ZHX2: variants seen among roughly 807,000 people sequenced by gnomAD.
The protein encoded by ZHX2 is zinc fingers and homeoboxes 2.
A neutral mutation model predicts 21.9 loss-of-function variants in ZHX2; 6 were observed. The ratio of observed to expected loss-of-function variants is 0.27; its 90% confidence interval spans 0.15 to 0.54. ZHX2 has a LOEUF of 0.54. Among genes scored for constraint, ZHX2 ranks in the 20% least tolerant of loss-of-function variants. The pLI is 0.95. For synonymous variants in ZHX2, 434 were observed against 437.1 expected (o/e 0.99, Z 0.09); for missense variants, 908 against 1,090.7 (o/e 0.83, Z 2.36).
At chr8:122,901,730 T>C (rs953770578) in intron 2 of ZHX2, among the ~76,000 whole-genome samples, 6 of 152,160 alleles carry the variant, frequency 3.9e-5, no homozygotes, top group Non-Finnish European at 7.3e-5. Context: ...ATCCTTGCAT[T>C]GTACAATGTT....
At chr8:122,964,391 A>G (rs1218419069) in intron 3 of ZHX2, among the ~76,000 whole-genome samples, 3 of 151,966 alleles carry the variant, frequency 2.0e-5, no homozygotes, top group Non-Finnish European at 2.9e-5. Context: ...TTCTGCATCT[A>G]TTGAGATGAT....
At chr8:122,932,262 G>A (rs947264114) in intron 2 of ZHX2, among the ~76,000 whole-genome samples, 5 of 152,034 alleles carry the variant, frequency 3.3e-5, no homozygotes, top group African/African-American at 1.2e-4. Flanking sequence ...TCCAATGGCT[G>A]CTGTTAGAAA....
intron 2 of ZHX2, among the ~76,000 whole-genome samples, chr8:122,942,083 C>T (rs1197578024): frequency 1.3e-5 from 2 of 152,202 alleles, no homozygotes; most frequent in African/African-American, 4.8e-5. Flanking sequence ...AGGATGGAAA[C>T]AGATGAGAAG....
At chr8:122,892,743 G>T (rs111254282) in intron 2 of ZHX2, among the ~76,000 whole-genome samples, 1 of 152,142 alleles carries the variant, frequency 6.6e-6, no homozygotes, top group Non-Finnish European at 1.5e-5. Flanking sequence ...GGAGTGCAAA[G>T]GCACAATCTT....
At chr8:122,863,209 T>A (rs1406964293) in intron 1 of ZHX2, among the ~76,000 whole-genome samples, 1 of 151,304 alleles carries the variant, frequency 6.6e-6, no homozygotes, top group African/African-American at 2.4e-5. Flanking sequence ...TTCATTTCGC[T>A]CTTCTAGAAA....
At chr8:122,927,176 TA>T (rs1441409899) in intron 2 of ZHX2, among the ~76,000 whole-genome samples, 1 of 152,128 alleles carries the variant, frequency 6.6e-6, no homozygotes, top group Non-Finnish European at 1.5e-5. Flanking sequence ...AGTGTTGTAT[TA>T]GTCTGTTCTC....
At position 122,951,563 on chromosome 8, in the gene ZHX2, T is replaced by G; in HGVS notation, c.53T>G (p.Val18Gly). ...CCATGCATGGTTCGGACATCACAAG[T>G]AGTAGAACAAGATGTGCCCGAGGAA... is the stretch of plus-strand genomic sequence containing the variant. The part of the protein sequence containing the change: ...TTPCMVRTSQ[V>G]VEQDVPEEVD... Residue 18 changes from valine to glycine, a missense_variant, in exon 3 of 4, where the codon GTA becomes GGA. Coordinates refer to ENST00000314393, the MANE Select transcript of ZHX2 (RefSeq NM_014943.5). 1 of 1,612,780 alleles carries G rather than the reference T, an allele frequency of 6.2e-7. No individual in the cohort carries two copies. The highest frequency in any genetic ancestry group is 1.1e-5 in the South Asian group (1 of 90,968).
At chr8:122,903,541 A>C (rs1426249674) in intron 2 of ZHX2, among the ~76,000 whole-genome samples, 1 of 152,222 alleles carries the variant, frequency 6.6e-6, no homozygotes, top group African/African-American at 2.4e-5. Context: ...CGGGGAGCAG[A>C]CATGTCAGGC....
At chr8:122,800,837 G>T (rs973655688) in intron 1 of ZHX2, among the ~76,000 whole-genome samples, 1 of 152,220 alleles carries the variant, frequency 6.6e-6, no homozygotes, top group Non-Finnish European at 1.5e-5. Flanking sequence ...AAAACCATGT[G>T]GGGGAGCTTG....
At chr8:122,913,301 G>A (rs1014264211) in intron 2 of ZHX2, among the ~76,000 whole-genome samples, 6 of 152,064 alleles carry the variant, frequency 3.9e-5, no homozygotes, top group Admixed American at 6.6e-5. Context: ...TCCACTTTTC[G>A]ACTATCATAA....
intron 1 of ZHX2, among the ~76,000 whole-genome samples, chr8:122,837,091 C>T (rs894787510): frequency 2.6e-5 from 4 of 152,102 alleles, no homozygotes; most frequent in African/African-American, 4.8e-5. Flanking sequence ...ACCATGGCAA[C>T]GTCAGGAAGG....
At chr8:122,938,893 T>C (rs1396506002) in intron 2 of ZHX2, among the ~76,000 whole-genome samples, 1 of 151,542 alleles carries the variant, frequency 6.6e-6, no homozygotes, top group African/African-American at 2.4e-5. Flanking sequence ...CAGCAGCCAG[T>C]AGAGGTGTTT....
Position 122,880,516 on chromosome 8 carries a change from T to C in ZHX2, c.-220+16977T>C, listed in dbSNP as rs563367601. Among the ~76,000 whole-genome samples, 8 of 152,076 alleles carry C rather than the reference T, an allele frequency of 5.3e-5. No individual in the cohort carries two copies. In the South Asian group the frequency reaches 1.7e-3, roughly 32 times the overall value. On this transcript the variant is annotated intron_variant, in intron 2 of 3. Transcript: ENST00000314393. The stretch of plus-strand genomic sequence containing the variant: ...GGGGCTGGGCACAGTGGTTCATGCC[T>C]GTAATCCCAACACTTCAGGAGGCCA...
rs534645440 is a variant in ZHX2, at chr8:122,928,445, G to C, written c.-219-22847G>C. The stretch of plus-strand genomic sequence containing the variant: ...ATGTTCAGGGAGAAGAGTGTGTGAG[G>C]TTTGGGGGGTACCTTGGAATTATGT... On this transcript the variant is annotated intron_variant, in intron 2 of 3. Transcript: ENST00000314393. Among the ~76,000 whole-genome samples, 72 of 152,208 alleles carry C rather than the reference G, an allele frequency of 4.7e-4. 1 individual carries two copies. The highest frequency in any genetic ancestry group is 8.1e-4 in the Non-Finnish European group (55 of 67,992).
chr8:122,805,454 G>T lies in ZHX2; in HGVS notation c.-283+23508G>T, dbSNP rs1465004224. Among the ~76,000 whole-genome samples the T allele has an allele frequency of 2.0e-5, 3 of 152,330 alleles. No individual in the cohort carries two copies. In the East Asian group the frequency reaches 5.8e-4, roughly 29 times the overall value. On this transcript the variant is annotated intron_variant, in intron 1 of 3. Coordinates refer to ENST00000314393, the MANE Select transcript of ZHX2 (RefSeq NM_014943.5). ...CAGCAAGGAAACACAGGTACCGACAGTTAGAAGTAAGGCCAATGTGCACTG... is the reference window on the plus strand; with the variant it reads ...CAGCAAGGAAACACAGGTACCGACATTTAGAAGTAAGGCCAATGTGCACTG...
At chr8:122,937,000 T>C (rs1437390331) in intron 2 of ZHX2, among the ~76,000 whole-genome samples, 3 of 152,270 alleles carry the variant, frequency 2.0e-5, no homozygotes, top group African/African-American at 4.8e-5. Context: ...CCAAGTCACA[T>C]GTGCAGTGCC....
rs116577713 is a variant in ZHX2, at chr8:122,952,534, C to A, written c.1024C>A (p.Pro342Thr). 6.2e-4 allele frequency: 1,001 copies of A among 1,614,158 alleles called. 2 individuals carry two copies. In the African/African-American group the frequency reaches 0.01, roughly 17 times the overall value. Residue 342 changes from proline to threonine, a missense_variant, in exon 3 of 4, where the codon CCC (proline) becomes ACC (threonine). This residue lies in a region of ZHX2 where 232 missense variants were observed against 361.8 expected (regional missense o/e 0.64). Coordinates refer to ENST00000314393, the MANE Select transcript of ZHX2 (RefSeq NM_014943.5). This position sits in a 1 kb window ranked among gnomAD's most constrained non-coding sequence, Gnocchi z 6.9. ...GTTCAACGGCACCATCCAGTCAGTACCCCCGACCATCACTGTGCTGCCCGC... is the reference window on the plus strand; with the variant it reads ...GTTCAACGGCACCATCCAGTCAGTAACCCCGACCATCACTGTGCTGCCCGC... ...KMFNGTIQSVPPTITVLPAQL... is the reference protein window; with the variant it reads ...KMFNGTIQSVTPTITVLPAQL...
chr8:122,817,692 A>G (rs1586585739), intron 1 of ZHX2, among the ~76,000 whole-genome samples: 1 of 152,228 alleles, frequency 6.6e-6, no homozygotes, highest in African/African-American at 2.4e-5. Context: ...TCTTGCCAGA[A>G]GTGAACTGTG....
chr8:122,796,683 C>T (rs1464484531), intron 1 of ZHX2, among the ~76,000 whole-genome samples: 1 of 152,148 alleles, frequency 6.6e-6, no homozygotes, highest in Admixed American at 6.5e-5. Context: ...TTTATTAATG[C>T]GTGCTCTGCC....
Sources: allele counts gnomAD v4.1 joint callset (sites outside exome capture counted in the v4.1 genomes callset), GRCh38; gene constraint gnomAD v4.1.1; regional missense constraint gnomAD v4.1.1; non-coding constraint Gnocchi (gnomAD v3.1); transcripts MANE v1.5; gene names NCBI Gene and HGNC (gene_info 2026-07-23, HGNC 2026-07-21).